Variants in ADAM12 observed in about 807,000 individuals in gnomAD.
ADAM12 encodes disintegrin and metalloproteinase domain-containing protein 12.
In ADAM12, 70 loss-of-function variants were observed where a neutral mutation model predicts 106.4. The ratio of observed to expected loss-of-function variants is 0.66; its 90% CI spans 0.54 to 0.80. ADAM12 has a LOEUF of 0.80. Ranked by LOEUF, ADAM12 falls within the 30% of genes least tolerant of loss-of-function variation. The pLI, the probability that ADAM12 is intolerant of heterozygous loss-of-function variation, is 0.00. For synonymous variants in ADAM12, 420 were observed against 433.5 expected, an observed-to-expected ratio of 0.97 and a Z score of 0.39; for missense variants, 1,010 against 1,171.9, an observed-to-expected ratio of 0.86 and a Z score of 2.02.
chr10:126,094,218 C>A (rs1467042635), intron 10 of ADAM12, 85 bp from the exon 11 acceptor site: 8 of 1,317,696 alleles, frequency 6.1e-6, no homozygotes, highest in African/African-American at 1.5e-5. Flanking sequence ...AGAAATATAC[C>A]TTTCATTAAC....
At chr10:126,114,960 C>T (rs1955952957) in intron 6 of ADAM12, among the ~76,000 whole-genome samples, 1 of 152,180 alleles carries the variant, frequency 6.6e-6, no homozygotes, top group Admixed American at 6.5e-5. Context: ...CTATATACTG[C>T]TATGGCTACA....
At chr10:126,124,251 T>A (rs1339367253) in intron 5 of ADAM12, among the ~76,000 whole-genome samples, 1 of 151,924 alleles carries the variant, frequency 6.6e-6, no homozygotes, top group Non-Finnish European at 1.5e-5. Context: ...GTGCTGTCAA[T>A]CATGTGGTGG....
At chr10:126,252,444 C>T (rs1489361724) in intron 3 of ADAM12, among the ~76,000 whole-genome samples, 11 of 152,136 alleles carry the variant, frequency 7.2e-5, no homozygotes, top group South Asian at 4.1e-4. Context: ...TTCAAAGGCC[C>T]GAACACCAAG....
chr10:126,375,117 C>T (rs1320219935), intron 1 of ADAM12, among the ~76,000 whole-genome samples: 1 of 151,776 alleles, frequency 6.6e-6, no homozygotes, highest in Middle Eastern at 3.2e-3. Context: ...CCTAGACTAA[C>T]ATTCATGAAA....
At chr10:126,161,220 A>G (rs1956927814) in intron 3 of ADAM12, among the ~76,000 whole-genome samples, 1 of 152,212 alleles carries the variant, frequency 6.6e-6, no homozygotes, top group South Asian at 2.1e-4. Context: ...GGCTGTAAGC[A>G]TTAATAGCTG....
intron 3 of ADAM12, among the ~76,000 whole-genome samples, chr10:126,250,591 C>T (rs1215561683): frequency 6.6e-6 from 1 of 152,116 alleles, no homozygotes; most frequent in Admixed American, 6.6e-5. Context: ...GGAATTAAAA[C>T]AAGGAACCGC....
chr10:126,092,497 A>G (rs1281962234), intron 11 of ADAM12, among the ~76,000 whole-genome samples: 1 of 152,200 alleles, frequency 6.6e-6, no homozygotes, highest in Non-Finnish European at 1.5e-5. Flanking sequence ...CCTCTCAGAC[A>G]CCTTTAGTGA....
intron 3 of ADAM12, among the ~76,000 whole-genome samples, chr10:126,267,224 A>G (rs11244924): frequency 1.3e-5 from 2 of 151,918 alleles, no homozygotes; most frequent in Non-Finnish European, 2.9e-5. Flanking sequence ...TCATTAGCTC[A>G]GAAGAGTCAC....
intron 3 of ADAM12, among the ~76,000 whole-genome samples, chr10:126,239,976 C>G (rs1330208032): frequency 2.6e-4 from 40 of 152,324 alleles, no homozygotes; most frequent in East Asian, 1.9e-4. Flanking sequence ...GTGCCCCCTG[C>G]CCTCCTCCTC....
At chr10:126,120,164 C>T (rs1411632587) in intron 5 of ADAM12, among the ~76,000 whole-genome samples, 1 of 152,178 alleles carries the variant, frequency 6.6e-6, no homozygotes, top group Non-Finnish European at 1.5e-5. Flanking sequence ...GAATAATTCA[C>T]ATACATACCT....
At position 126,156,288 on chromosome 10, in the gene ADAM12, C is replaced by T. The variant is rs542728839; in HGVS notation, c.261-983G>A. On this transcript the variant is annotated intron_variant, in intron 3 of 22. Coordinates refer to ENST00000448723, the MANE Select transcript of ADAM12 (RefSeq NM_001288973.2). ...AGGTCTGGAGGCAGGGAACAAAGGT[C>T]GATTCATGCTGACTTTCTAGAACTA... Among the ~76,000 whole-genome samples the T allele has an allele frequency of 1.2e-4, 18 of 152,198 alleles. No individual in the cohort carries two copies. In the East Asian group the frequency reaches 1.7e-3, roughly 15 times the overall value.
At chr10:126,050,611 C>T (rs1361707625) in intron 14 of ADAM12, among the ~76,000 whole-genome samples, 1 of 152,204 alleles carries the variant, frequency 6.6e-6, no homozygotes, top group Non-Finnish European at 1.5e-5. Context: ...TGCTCTCCAC[C>T]CTGGGGAGGC....
chr10:126,367,451 C>T (rs1255271322), intron 1 of ADAM12, among the ~76,000 whole-genome samples: 1 of 151,714 alleles, frequency 6.6e-6, no homozygotes, highest in Non-Finnish European at 1.5e-5. Context: ...TTCCAAATGG[C>T]TGTACTAGAA....
At chr10:126,211,295 T>C (rs1040761847) in intron 3 of ADAM12, among the ~76,000 whole-genome samples, 1 of 152,182 alleles carries the variant, frequency 6.6e-6, no homozygotes, top group African/African-American at 2.4e-5. Context: ...CCTGTTCTTT[T>C]GCCAAATGGA....
intron 2 of ADAM12, among the ~76,000 whole-genome samples, chr10:126,280,913 T>C (rs2133758194): frequency 1.3e-5 from 2 of 152,196 alleles, no homozygotes; most frequent in South Asian, 4.2e-4. Flanking sequence ...CATTTCTGAG[T>C]GTTACTCGAC....
In ADAM12 at chr10:126,015,716, G is replaced by A. The variant is rs1358459300; in HGVS notation, c.*1563C>T. 3 of 152,146 alleles carry A rather than the reference G, an allele frequency of 2.0e-5. No individual in the cohort carries two copies. The highest frequency in any genetic ancestry group is 4.4e-5 in the Non-Finnish European group (3 of 68,016). The allele number at this position is 152,146 out of a possible 1,614,324, so 9.4% of individuals were successfully genotyped here. On this transcript the variant is annotated 3_prime_UTR_variant, in exon 23 of 23. Transcript: ENST00000448723. ...ACATATTTTTCTGTTTCAAAGCATAGGAAAACTGTTGACCCCCAAAAGAAG... is the reference window on the plus strand; with the variant it reads ...ACATATTTTTCTGTTTCAAAGCATAAGAAAACTGTTGACCCCCAAAAGAAG...
intron 18 of ADAM12, among the ~76,000 whole-genome samples, chr10:126,039,674 G>A (rs1334173445): frequency 6.6e-6 from 1 of 152,166 alleles, no homozygotes; most frequent in Non-Finnish European, 1.5e-5. Flanking sequence ...TCGGGTAGGT[G>A]GGGTGATGGT....
chr10:126,352,047 G>A (rs928331779), intron 1 of ADAM12, among the ~76,000 whole-genome samples: 9 of 152,092 alleles, frequency 5.9e-5, no homozygotes, highest in Non-Finnish European at 1.0e-4. Flanking sequence ...CCCCTCAAAG[G>A]GCCAGACACA....
At chr10:126,131,104 CTTTTTTT>C (rs71029289) in intron 5 of ADAM12, among the ~76,000 whole-genome samples, 5 of 100,920 alleles carry the variant, frequency 5.0e-5, no homozygotes, top group Non-Finnish European at 9.9e-5. Context: ...CAGCTGTCTT[CTTTTTTT>C]TTTTTTTTTT....
Sources: gnomAD v4.1 joint callset for allele counts (sites outside exome capture counted in the v4.1 genomes callset) on GRCh38, gnomAD v4.1.1 for gene constraint, MANE v1.5 for transcripts, NCBI Gene and HGNC (gene_info 2026-07-23, HGNC 2026-07-21) for gene names.